The following CCDC178 variants were observed in gnomAD, a reference collection of about 807,000 sequenced individuals.
CCDC178 encodes the protein coiled-coil domain-containing protein 178.
A neutral mutation model predicts 117.4 loss-of-function variants in CCDC178; 126 were observed. The ratio of observed to expected loss-of-function variants is 1.07; its 90% confidence interval spans 0.93 to 1.24. The LOEUF is 1.24. CCDC178 is among the 50% of genes most tolerant of loss of function. The pLI, the probability that CCDC178 is intolerant of heterozygous loss-of-function variation, is 0.00. For synonymous variants in CCDC178, 283 were observed against 313.4 expected, an observed-to-expected ratio of 0.90 and a Z score of 1.02; for missense variants, 1,030 against 986.9, an observed-to-expected ratio of 1.04 and a Z score of -0.59.
chr18:33,251,882 T>C (rs369726747), intron 14 of CCDC178, among the ~76,000 whole-genome samples: 2 of 151,878 alleles, frequency 1.3e-5, no homozygotes, highest in African/African-American at 4.8e-5. Context: ...AGAAAGCTGC[T>C]GGTTTAGTTA....
At chr18:33,010,845 A>G (rs1212895686) in intron 21 of CCDC178, among the ~76,000 whole-genome samples, 1 of 152,178 alleles carries the variant, frequency 6.6e-6, no homozygotes, top group East Asian at 1.9e-4. Flanking sequence ...AGAGCAAGAC[A>G]ATTTGGAGGT....
At chr18:33,269,815 G>A (rs956918320) in intron 12 of CCDC178, among the ~76,000 whole-genome samples, 2 of 151,710 alleles carry the variant, frequency 1.3e-5, no homozygotes, top group African/African-American at 4.8e-5. Flanking sequence ...TATTTAAAAT[G>A]TTCAGTTTTC....
At chr18:33,215,447 A>G (rs1599010502) in intron 19 of CCDC178, 103 bp downstream of exon 19, 1 of 749,952 alleles carries the variant, frequency 1.3e-6, no homozygotes, top group South Asian at 2.8e-5. Flanking sequence ...GTTATAATTA[A>G]AAATACGAAC....
Position 33,288,391 on chromosome 18 carries a change from C to T in CCDC178, c.1176+4768G>A, listed in dbSNP as rs569200691. ...TCTGCTCTCCTCCCCTCCTCTCCCC[C>T]CCTCCCCTTCCTTCCTTCCTTTTCT... On this transcript the variant is annotated intron_variant, in intron 12 of 22. Coordinates refer to ENST00000383096, the MANE Select transcript of CCDC178 (RefSeq NM_001105528.4). 1.2e-3 allele frequency among the ~76,000 whole-genome samples: 123 copies of T among 105,084 alleles called. 5 individuals carry two copies. The highest frequency in any genetic ancestry group is 4.5e-3 in the African/African-American group (102 of 22,562). The allele number at this position is 105,084 out of a possible 152,430, so 68.9% of individuals were successfully genotyped here. A position where few individuals can be genotyped will look rare whatever the true frequency, so the allele number is the denominator to read the frequency against.
At chr18:32,967,478 A>G (rs890251594) in intron 22 of CCDC178, among the ~76,000 whole-genome samples, 14 of 151,528 alleles carry the variant, frequency 9.2e-5, no homozygotes, top group Non-Finnish European at 1.6e-4. Context: ...CTCTCATTTT[A>G]AAATTGAAAT....
At chr18:33,295,971 A>C (rs1343008380) in intron 11 of CCDC178, among the ~76,000 whole-genome samples, 1 of 152,176 alleles carries the variant, frequency 6.6e-6, no homozygotes, top group Non-Finnish European at 1.5e-5. Flanking sequence ...GTTCACACAA[A>C]AACTTCTACA....
chr18:33,298,636 T>C (rs1281392443), intron 11 of CCDC178, among the ~76,000 whole-genome samples: 1 of 152,038 alleles, frequency 6.6e-6, no homozygotes, highest in African/African-American at 2.4e-5. Flanking sequence ...GCCAGAACAA[T>C]TAGCCAAGAG....
chr18:33,339,317 A>G (rs1276613174), intron 9 of CCDC178, among the ~76,000 whole-genome samples: 1 of 152,060 alleles, frequency 6.6e-6, no homozygotes, highest in African/African-American at 2.4e-5. Context: ...CTTTTTAAAA[A>G]GATAAACAAA....
intron 21 of CCDC178, among the ~76,000 whole-genome samples, chr18:32,988,122 T>A (rs2055306909): frequency 7.1e-6 from 1 of 140,732 alleles, no homozygotes; most frequent in African/African-American, 2.7e-5. Context: ...TAATAATAAA[T>A]TTATCAAAAT....
chr18:33,308,535 T>C lies in CCDC178; in HGVS notation c.1022+14956A>G, dbSNP rs144117881. The stretch of plus-strand genomic sequence containing the variant: ...GTTAGTGCTGGAATGAGTTAAGCAT[T>C]TGGGGAACTGTTGGAAGGGTATGAT... On this transcript the variant is annotated intron_variant, in intron 11 of 22. Transcript: ENST00000383096. Among the ~76,000 whole-genome samples the C allele has an allele frequency of 2.6e-3, 400 of 152,290 alleles. 1 individual carries two copies. Among genetic ancestry groups the C allele is most frequent in the African/African-American group, 9.2e-3 (384 of 41,554 alleles).
At chr18:33,217,984 A>G (rs1473085861) in intron 18 of CCDC178, among the ~76,000 whole-genome samples, 1 of 152,124 alleles carries the variant, frequency 6.6e-6, no homozygotes, top group Non-Finnish European at 1.5e-5. Flanking sequence ...CATGAAAATG[A>G]AATGATGTGC....
At chr18:33,288,224 C>T (rs2060123096) in intron 12 of CCDC178, among the ~76,000 whole-genome samples, 1 of 148,232 alleles carries the variant, frequency 6.7e-6, no homozygotes, top group African/African-American at 2.5e-5. Context: ...TCCTCCTCTC[C>T]TCCTCCTCCC....
intron 2 of CCDC178, among the ~76,000 whole-genome samples, chr18:33,438,729 T>G (rs1310559369): frequency 6.6e-6 from 1 of 152,120 alleles, no homozygotes; most frequent in Non-Finnish European, 1.5e-5. Context: ...ATTACCTCAA[T>G]ACAAATTCTT....
chr18:33,249,285 G>T (rs1037365773), intron 14 of CCDC178, among the ~76,000 whole-genome samples: 15 of 152,132 alleles, frequency 9.9e-5, no homozygotes, highest in Non-Finnish European at 1.6e-4. Flanking sequence ...GATCCCAGTT[G>T]TCTATTTTGG....
At chr18:33,161,785 A>G (rs1189993051) in intron 20 of CCDC178, among the ~76,000 whole-genome samples, 2 of 152,152 alleles carry the variant, frequency 1.3e-5, no homozygotes, top group African/African-American at 2.4e-5. Flanking sequence ...TCCATGGTGT[A>G]TATGTGCCAC....
At chr18:33,259,586 TCTC>T (rs1379074512) in intron 14 of CCDC178, among the ~76,000 whole-genome samples, 1 of 151,692 alleles carries the variant, frequency 6.6e-6, no homozygotes, top group East Asian at 1.9e-4. Context: ...AAGAATCAGA[TCTC>T]CTGAGAATTC....
At chr18:33,255,297 C>T (rs970490032) in intron 14 of CCDC178, among the ~76,000 whole-genome samples, 3 of 151,944 alleles carry the variant, frequency 2.0e-5, no homozygotes, top group Non-Finnish European at 4.4e-5. Context: ...ACAAAACAGA[C>T]TAAGATCATG....
chr18:33,187,161 T>A (rs995176064), intron 20 of CCDC178, among the ~76,000 whole-genome samples: 4 of 151,014 alleles, frequency 2.6e-5, no homozygotes, highest in South Asian at 2.1e-4. Flanking sequence ...TCAGATCTCA[T>A]AAGAACTCAC....
rs559833509 is a variant in CCDC178, at chr18:33,329,320, T to C, written c.879+3854A>G. ...TAACCACTCTGGCTTGAACTTTCTG[T>C]ACAATGTCAAATAGAAGTAGTAAAA... On this transcript the variant is annotated intron_variant, in intron 10 of 22. Transcript: ENST00000383096. 3.3e-5 allele frequency among the ~76,000 whole-genome samples: 5 copies of C among 152,320 alleles called. 2 individuals are homozygous for C. In the South Asian group the frequency reaches 1.0e-3, roughly 32 times the overall value.
Sources: gnomAD v4.1 joint callset for allele counts (sites outside exome capture counted in the v4.1 genomes callset) on GRCh38, gnomAD v4.1.1 for gene constraint, MANE v1.5 for transcripts, NCBI Gene and HGNC (gene_info 2026-07-23, HGNC 2026-07-21) for gene names.